The following MSH4 variants were observed in gnomAD, a reference collection of about 807,000 sequenced individuals.
MSH4 encodes the protein mutS homolog 4.
Under a neutral mutation model 113.7 loss-of-function variants are expected in MSH4, and 106 were observed. The ratio of observed to expected loss-of-function variants is 0.93; its 90% confidence interval spans 0.80 to 1.10. The LOEUF is 1.10. Among genes scored for constraint, MSH4 ranks in the 50% least tolerant of loss-of-function variants. The probability of loss-of-function intolerance (pLI) is 0.00; values close to 1 mark genes in which losing one functional copy is unlikely to be tolerated. For synonymous variants in MSH4, 368 were observed against 380.2 expected (o/e 0.97, Z 0.37); for missense variants, 1,061 against 1,093.7 (o/e 0.97, Z 0.42).
At chr1:75,869,544 C>T (rs1456210171) in intron 9 of MSH4, among the ~76,000 whole-genome samples, 3 of 152,042 alleles carry the variant, frequency 2.0e-5, no homozygotes. Context: ...GGTTTTCTGG[C>T]CCCGCTTGCT....
At chr1:75,810,555 A>G in intron 3 of MSH4, 142 bp from the exon 4 acceptor site, 1 of 397,674 alleles carries the variant, frequency 2.5e-6, no homozygotes, top group Non-Finnish European at 4.4e-6. Flanking sequence ...CTGGCTAGAA[A>G]CATATTTTAA....
intron 9 of MSH4, among the ~76,000 whole-genome samples, chr1:75,869,648 G>A (rs1169877623): frequency 6.6e-6 from 1 of 152,222 alleles, no homozygotes; most frequent in African/African-American, 2.4e-5. Context: ...GCTTCAGAGG[G>A]TGCAGGCCTC....
At chr1:75,817,223 G>T (rs1650312021) in intron 6 of MSH4, among the ~76,000 whole-genome samples, 1 of 152,176 alleles carries the variant, frequency 6.6e-6, no homozygotes, top group African/African-American at 2.4e-5. Flanking sequence ...ACTGGGTAAA[G>T]GAACTTAATA....
chr1:75,907,275 A>G, intron 19 of MSH4, among the ~76,000 whole-genome samples: 1 of 152,042 alleles, frequency 6.6e-6, no homozygotes, highest in East Asian at 1.9e-4. Flanking sequence ...TTTGCTAGGT[A>G]TAGTATTCTC....
chr1:75,808,110 C>T (rs1650107724), intron 3 of MSH4, among the ~76,000 whole-genome samples: 1 of 152,108 alleles, frequency 6.6e-6, no homozygotes, highest in South Asian at 2.1e-4. Flanking sequence ...AAATTTATTT[C>T]TTGAAATCTT....
chr1:75,905,081 C>A (rs1042253365), intron 19 of MSH4, among the ~76,000 whole-genome samples: 1 of 150,324 alleles, frequency 6.7e-6, no homozygotes, highest in Non-Finnish European at 1.5e-5. Flanking sequence ...TTTCTTCTAC[C>A]AATTTTAGGT....
rs1181724787 is a variant in MSH4, at chr1:75,872,628, G to A, written c.1306-4308G>A. On this transcript the variant is annotated intron_variant, in intron 9 of 19. Transcript: ENST00000263187. ...ATTTTAAAAAAAAGAAAGAAAGAAT[G>A]GATCCATCTGCCTTGCAGTGAACAC... Among the ~76,000 whole-genome samples the A allele has an allele frequency of 1.4e-4, 21 of 152,174 alleles. No individual in the cohort carries two copies. The East Asian group carries it at 3.9e-3, about 28-fold the overall frequency.
chr1:75,891,970 G>A (rs1024621320), intron 17 of MSH4, among the ~76,000 whole-genome samples: 3 of 152,136 alleles, frequency 2.0e-5, no homozygotes, highest in African/African-American at 7.2e-5. Context: ...GGGCCACAGA[G>A]TGCCCAGACA....
At chr1:75,909,661 G>A (rs1458743869) in intron 19 of MSH4, among the ~76,000 whole-genome samples, 3 of 69,670 alleles carry the variant, frequency 4.3e-5, no homozygotes, top group African/African-American at 1.1e-4. Flanking sequence ...CCCTCCCCCC[G>A]CTGACAGGCC....
rs181006671 is a variant in MSH4, at chr1:75,879,008, T to G, written c.1557T>G (p.Leu519=). The change falls in exon 12 of 20, where the codon CTT becomes CTG. Residue 519 remains leucine (L), a synonymous_variant. Transcript: ENST00000263187. ...VDDIAGMISQ[L]GEKYSLPLRT... is the part of the protein sequence containing the mutation. ...GGTCACCAGGAATGATATCACAACT[T>G]GGAGAAAAATATAGTCTACCTTTAA... 6.2e-7 allele frequency: 1 copy of G among 1,608,750 alleles called. No homozygotes were observed. The highest frequency in any genetic ancestry group is 1.7e-5 in the Admixed American group (1 of 59,216).
intron 18 of MSH4, among the ~76,000 whole-genome samples, chr1:75,898,768 A>G (rs1050473325): frequency 6.6e-6 from 1 of 152,176 alleles, no homozygotes; most frequent in Admixed American, 6.5e-5. Context: ...GTCTGTACAT[A>G]CAAGTTTCAA....
intron 8 of MSH4, among the ~76,000 whole-genome samples, chr1:75,860,359 G>C (rs1398508262): frequency 6.6e-6 from 1 of 152,134 alleles, no homozygotes; most frequent in Non-Finnish European, 1.5e-5. Flanking sequence ...CCATAGCATT[G>C]ATGGTCTTTA....
At chr1:75,834,062 A>G in intron 7 of MSH4, among the ~76,000 whole-genome samples, 1 of 152,230 alleles carries the variant, frequency 6.6e-6, no homozygotes, top group East Asian at 1.9e-4. Flanking sequence ...TCCAGAATCT[A>G]CAAAGAACTT....
chr1:75,815,365 G>A (rs1432387768), intron 5 of MSH4, among the ~76,000 whole-genome samples: 1 of 151,772 alleles, frequency 6.6e-6, no homozygotes, highest in Non-Finnish European at 1.5e-5. Context: ...TTATACACAA[G>A]GCATATATTG....
At chr1:75,852,660 A>AT (rs1029946201) in intron 8 of MSH4, among the ~76,000 whole-genome samples, 3 of 152,118 alleles carry the variant, frequency 2.0e-5, no homozygotes, top group African/African-American at 4.8e-5. Flanking sequence ...GGCCATTTGT[A>AT]TCTTCCTTGG....
chr1:75,860,650 C>T (rs963921449), intron 8 of MSH4, among the ~76,000 whole-genome samples: 13 of 152,192 alleles, frequency 8.5e-5, no homozygotes, highest in African/African-American at 2.9e-4. Context: ...GTCTGATGGG[C>T]TTCCCTTTGT....
Position 75,913,011 on chromosome 1 carries a change from C to A in MSH4, c.*124C>A, listed in dbSNP as rs867865043. 4.1e-5 allele frequency: 20 copies of A among 492,626 alleles called. No individual in the cohort carries two copies. The Middle Eastern group carries it at 1.6e-3, about 40-fold the overall frequency. 30.5% of individuals were successfully genotyped at this position (492,626 alleles called of 1,614,324 possible). On this transcript the variant is annotated 3_prime_UTR_variant, in exon 20 of 20. Transcript: ENST00000263187. ...TTAATTGAAAATTACATTATATTAA[C>A]ATCACAATTGTCATCTATATATTCT...
chr1:75,885,055 G>GTATGTATGTATGTA (rs1469516814), intron 15 of MSH4, among the ~76,000 whole-genome samples: 45 of 102,250 alleles, frequency 4.4e-4, no homozygotes, highest in African/African-American at 1.6e-3. Flanking sequence ...GTGTGTGTGT[G>GTATGTATGTATGTA]TGTGTATATA....
chr1:75,876,855 G>A, intron 9 of MSH4, 81 bp from the exon 10 acceptor site: 1 of 726,440 alleles, frequency 1.4e-6, no homozygotes, highest in Non-Finnish European at 2.2e-6. Context: ...AAACTATAAA[G>A]TATTAAACAA....
Sources: gnomAD v4.1 joint callset for allele counts (sites outside exome capture counted in the v4.1 genomes callset) on GRCh38, gnomAD v4.1.1 for gene constraint, MANE v1.5 for transcripts, NCBI Gene and HGNC (gene_info 2026-07-23, HGNC 2026-07-21) for gene names.